LPAR1: variants seen among roughly 807,000 people sequenced by gnomAD.
LPAR1 encodes the protein lysophosphatidic acid receptor 1.
In LPAR1, 5 loss-of-function variants were observed where a neutral mutation model predicts 23.8. The observed-to-expected ratio is 0.21, with a 90% CI of 0.11 to 0.44. The LOEUF (loss-of-function observed/expected upper bound fraction) is 0.44, where lower values mean the gene tolerates loss of function less well. Among genes scored for constraint, LPAR1 ranks in the 20% least tolerant of loss-of-function variants. The probability of loss-of-function intolerance (pLI) is 0.99; values close to 1 mark genes in which losing one functional copy is unlikely to be tolerated. For missense variants in LPAR1, 311 were observed against 482.8 expected (o/e 0.64, Z 3.33); for synonymous variants, 160 against 164.7 (o/e 0.97, Z 0.22).
At chr9:110,911,019 G>A (rs1454698729) in intron 5 of LPAR1, among the ~76,000 whole-genome samples, 1 of 152,152 alleles carries the variant, frequency 6.6e-6, no homozygotes, top group South Asian at 2.1e-4. Context: ...GCAGCATTAG[G>A]GTTTGAGAGG....
intron 2 of LPAR1, among the ~76,000 whole-genome samples, chr9:111,028,657 T>A (rs1048187688): frequency 2.0e-5 from 3 of 151,570 alleles, no homozygotes; most frequent in African/African-American, 7.3e-5. Context: ...AAACTTGTAC[T>A]GCATCCTACT....
chr9:110,930,955 T>C (rs1349104378), intron 5 of LPAR1, among the ~76,000 whole-genome samples: 1 of 152,112 alleles, frequency 6.6e-6, no homozygotes, highest in African/African-American at 2.4e-5. Context: ...CAGTGCAAAA[T>C]GCAGCCAGAA....
intron 4 of LPAR1, among the ~76,000 whole-genome samples, chr9:110,946,366 T>C (rs1205312114): frequency 1.3e-5 from 2 of 152,134 alleles, no homozygotes; most frequent in Non-Finnish European, 2.9e-5. Context: ...ACAAAGTTAA[T>C]TAAAAGCAAC....
At chr9:110,905,341 T>C (rs905140479) in intron 5 of LPAR1, among the ~76,000 whole-genome samples, 1 of 129,708 alleles carries the variant, frequency 7.7e-6, no homozygotes, top group African/African-American at 3.7e-5. Flanking sequence ...CCTTTGCTTT[T>C]TTTTATTATT....
intron 4 of LPAR1, among the ~76,000 whole-genome samples, chr9:110,962,970 CA>C (rs2096060619): frequency 6.6e-6 from 1 of 152,058 alleles, no homozygotes; most frequent in Admixed American, 6.5e-5. Context: ...GTATTCACAG[CA>C]AAGCTGCAAC....
chr9:110,966,192 G>A (rs1390169254), intron 4 of LPAR1, among the ~76,000 whole-genome samples: 3 of 151,864 alleles, frequency 2.0e-5, no homozygotes, highest in Non-Finnish European at 2.9e-5. Flanking sequence ...TTAAAACCTA[G>A]ATGATGGGCC....
chr9:111,030,318 T>C (rs929673253), intron 2 of LPAR1, among the ~76,000 whole-genome samples: 37 of 152,278 alleles, frequency 2.4e-4, no homozygotes, highest in African/African-American at 8.9e-4. Context: ...TTGACAATAA[T>C]CCTTCTCCCC....
At position 110,957,476 on chromosome 9, in the gene LPAR1, G is replaced by A. The variant is rs549706594; in HGVS notation, c.45+14597C>T. Among the ~76,000 whole-genome samples the A allele has an allele frequency of 6.6e-5, 10 of 151,990 alleles. No individual in the cohort carries two copies. The South Asian group carries it at 1.5e-3, about 22-fold the overall frequency. On this transcript the variant is annotated intron_variant, in intron 4 of 5. Coordinates refer to ENST00000683809, the MANE Select transcript of LPAR1 (RefSeq NM_001351411.2). Reference sequence around the variant, plus strand: ...ACACAATACATCATATTAACAGAACGAAGAATAAATACCATATGACCATCT... The same window carrying A: ...ACACAATACATCATATTAACAGAACAAAGAATAAATACCATATGACCATCT...
intron 2 of LPAR1, among the ~76,000 whole-genome samples, chr9:111,006,180 T>C (rs1045315289): frequency 6.6e-6 from 1 of 152,152 alleles, no homozygotes; most frequent in African/African-American, 2.4e-5. Flanking sequence ...ACACAACTAT[T>C]TCCTGTCAAA....
At chr9:111,008,839 C>A (rs1460374313) in intron 2 of LPAR1, among the ~76,000 whole-genome samples, 2 of 152,100 alleles carry the variant, frequency 1.3e-5, no homozygotes, top group East Asian at 3.9e-4. Flanking sequence ...GCCTTTAATG[C>A]ATCAAACAGA....
intron 4 of LPAR1, among the ~76,000 whole-genome samples, chr9:110,952,440 G>A (rs2095598311): frequency 6.6e-6 from 1 of 152,080 alleles, no homozygotes; most frequent in Non-Finnish European, 1.5e-5. Context: ...ACCACTTTGA[G>A]AACCCAGCCC....
At chr9:110,991,426 C>A (rs2096889574) in intron 2 of LPAR1, among the ~76,000 whole-genome samples, 1 of 152,148 alleles carries the variant, frequency 6.6e-6, no homozygotes, top group Non-Finnish European at 1.5e-5. Context: ...TAAGAGAACA[C>A]CTGACAGGGT....
intron 2 of LPAR1, among the ~76,000 whole-genome samples, chr9:111,007,869 C>T (rs910128078): frequency 7.2e-5 from 11 of 152,028 alleles, no homozygotes; most frequent in African/African-American, 2.4e-4. Flanking sequence ...CCTAAGGTTT[C>T]GAGAAGTGGT....
At chr9:110,995,966 G>A (rs1564288030) in intron 2 of LPAR1, among the ~76,000 whole-genome samples, 1 of 152,106 alleles carries the variant, frequency 6.6e-6, no homozygotes, top group Non-Finnish European at 1.5e-5. Flanking sequence ...GGGAAAAGGA[G>A]CCTCTTTTTT....
At chr9:111,018,343 T>C (rs1192924537) in intron 2 of LPAR1, among the ~76,000 whole-genome samples, 1 of 152,238 alleles carries the variant, frequency 6.6e-6, no homozygotes, top group Non-Finnish European at 1.5e-5. Context: ...TTTCTATCTC[T>C]AGCCATAAAA....
At chr9:110,891,946 T>C (rs2133240914) in intron 5 of LPAR1, among the ~76,000 whole-genome samples, 1 of 152,356 alleles carries the variant, frequency 6.6e-6, no homozygotes. Flanking sequence ...GGTGAAAATG[T>C]AACATGGTAT....
In LPAR1 at chr9:110,941,516, C is replaced by T. The variant is rs779129771; in HGVS notation, c.698G>A (p.Arg233His). Reference protein sequence around the residue: ...VLYAHIFGYVRQRTMRMSRHS... With the variant: ...VLYAHIFGYVHQRTMRMSRHS... ...CCGAGACATTCTCATAGTCCTCTGG[C>T]GAACATAGCCAAAGATGTGAGCATA... The change falls in exon 5 of 6, where the codon CGC becomes CAC. Residue 233 changes from arginine (R) to histidine (H), a missense_variant. This residue lies in a region of LPAR1 where 250 missense variants were observed against 427.2 expected (regional missense o/e 0.59). Transcript: ENST00000683809. This position sits in a 1 kb window ranked among gnomAD's most constrained non-coding sequence, Gnocchi z 6.1. 7.4e-6 allele frequency: 12 copies of T among 1,613,896 alleles called. No homozygotes were observed. Among genetic ancestry groups the T allele is most frequent in the Non-Finnish European group, 8.5e-6 (10 of 1,179,990 alleles).
intron 2 of LPAR1, among the ~76,000 whole-genome samples, chr9:110,996,739 G>C (rs1308710399): frequency 6.6e-6 from 1 of 152,168 alleles, no homozygotes; most frequent in Non-Finnish European, 1.5e-5. Flanking sequence ...AATGTGATGT[G>C]TTCAGCCAAT....
chr9:111,003,249 C>T (rs1323177727), intron 2 of LPAR1, among the ~76,000 whole-genome samples: 3 of 152,078 alleles, frequency 2.0e-5, no homozygotes, highest in Non-Finnish European at 4.4e-5. Flanking sequence ...AGTATTTAAA[C>T]CACAGAGATT....
Sources: allele counts gnomAD v4.1 joint callset (sites outside exome capture counted in the v4.1 genomes callset), GRCh38; gene constraint gnomAD v4.1.1; regional missense constraint gnomAD v4.1.1; non-coding constraint Gnocchi (gnomAD v3.1); transcripts MANE v1.5; gene names NCBI Gene and HGNC (gene_info 2026-07-23, HGNC 2026-07-21).